ALPK3: variants seen among roughly 807,000 people sequenced by gnomAD.
ALPK3 encodes the protein alpha-protein kinase 3.
A neutral mutation model predicts 140.0 loss-of-function variants in ALPK3; 102 were observed. The observed-to-expected ratio is 0.73, with a 90% CI of 0.62 to 0.86. ALPK3 has a LOEUF of 0.86. ALPK3 is among the 40% of genes least tolerant of loss of function. The pLI is 0.00. For missense variants in ALPK3, 2,254 were observed against 2,208.2 expected (o/e 1.02, Z -0.42); for synonymous variants, 938 against 898.5 (o/e 1.04, Z -0.79).
chr15:84,832,125 A>G (rs1415855800), intron 3 of ALPK3, among the ~76,000 whole-genome samples: 1 of 152,122 alleles, frequency 6.6e-6, no homozygotes, highest in Non-Finnish European at 1.5e-5. Flanking sequence ...AAGGGTTCCA[A>G]AGATTTATTT....
At position 84,873,264 on chromosome 15, in the gene ALPK3, A is replaced by G. The variant is rs1027313102; in HGVS notation, c.*4808A>G. On this transcript the variant is annotated 3_prime_UTR_variant, in exon 14 of 14. Transcript: ENST00000258888. ...TGGGCTGGGTGCATGCCAGGGACCC[A>G]ATCAAGCATTTTTATCTTCTGAAAT... The G allele has an allele frequency of 6.6e-6, 1 of 152,224 alleles. No individual in the cohort carries two copies. Among genetic ancestry groups the G allele is most frequent in the Non-Finnish European group, 1.5e-5 (1 of 68,042 alleles). 9.4% of individuals were successfully genotyped at this position (152,224 alleles called of 1,614,324 possible).
intron 5 of ALPK3, among the ~76,000 whole-genome samples, chr15:84,842,124 C>A (rs901515914): frequency 6.6e-6 from 1 of 152,186 alleles, no homozygotes; most frequent in Non-Finnish European, 1.5e-5. Flanking sequence ...GCCTCCGGCT[C>A]CCGGGTTCAA....
chr15:84,858,610 C>T, intron 6 of ALPK3, 55 bp downstream of exon 6: 2 of 1,510,022 alleles, frequency 1.3e-6, no homozygotes, highest in Non-Finnish European at 1.8e-6. Context: ...ACAGAAAGCA[C>T]ACTGCTGCTG....
intron 6 of ALPK3, 112 bp from the exon 7 acceptor site, chr15:84,859,130 TG>T: frequency 7.0e-7 from 1 of 1,434,284 alleles, no homozygotes; most frequent in Non-Finnish European, 9.5e-7. Flanking sequence ...TAGGTCTGTG[TG>T]GAGACTTGAA....
chr15:84,839,855 G>C lies in ALPK3; in HGVS notation c.576G>C (p.Lys192Asn), dbSNP rs756921794. Residue 192 changes from lysine to asparagine, a missense_variant, in exon 5 of 14, where the codon AAG becomes AAC. By Grantham distance (94) the Lys-to-Asn change is moderately conservative (BLOSUM62 0). This residue lies in a region of ALPK3 where 2,088 missense variants were observed against 2,022.9 expected (regional missense o/e 1.03). Coordinates refer to ENST00000258888, the MANE Select transcript of ALPK3 (RefSeq NM_020778.5). ...AGTTGAAGCGCAAGGCTGCGGCAAAGCTGCGCGAGATCGAGCAGAGCTGGA... is the reference window on the plus strand; with the variant it reads ...AGTTGAAGCGCAAGGCTGCGGCAAACCTGCGCGAGATCGAGCAGAGCTGGA... ...FAKLKRKAAA[K>N]LREIEQSWKH... is the part of the protein sequence containing the mutation. The C allele has an allele frequency of 6.2e-7, 1 of 1,614,144 alleles. No individual in the cohort carries two copies. The highest frequency in any genetic ancestry group is 8.5e-7 in the Non-Finnish European group (1 of 1,180,044).
At chr15:84,832,462 C>T (rs191986118) in intron 3 of ALPK3, among the ~76,000 whole-genome samples, 5 of 152,306 alleles carry the variant, frequency 3.3e-5, no homozygotes, top group African/African-American at 1.2e-4. Context: ...ATGGCATGTT[C>T]ATTCTGCCTT....
At chr15:84,867,980 C>A in intron 13 of ALPK3, 131 bp from the exon 14 acceptor site, 1 of 909,932 alleles carries the variant, frequency 1.1e-6, no homozygotes, top group Non-Finnish European at 1.7e-6. Flanking sequence ...AGGGAGAGTC[C>A]CCATCACCCT....
rs1963625455 is a variant in ALPK3 at position 84,838,999 on chromosome 15, G to A, written c.324G>A (p.Val108=). 7 of 1,614,000 alleles carry A rather than the reference G, an allele frequency of 4.3e-6. No individual in the cohort carries two copies. The highest frequency in any genetic ancestry group is 5.9e-6 in the Non-Finnish European group (7 of 1,180,010). The change falls in exon 4 of 14, where the codon GTG becomes GTA. Residue 108 remains valine (V), a synonymous_variant. Transcript: ENST00000258888. ...TCTCAGGATACCCAGAGCCAGAGGT[G>A]ACCTGGTACAAGGATGATACGGAGC... ...CIVTGYPEPE[V]TWYKDDTELD... is the part of the protein sequence containing the mutation.
chr15:84,824,713 A>T (rs956323035), intron 2 of ALPK3, among the ~76,000 whole-genome samples: 2 of 152,210 alleles, frequency 1.3e-5, no homozygotes, highest in Admixed American at 6.5e-5. Flanking sequence ...TCCACTGAAC[A>T]TCATGAAAAC....
At chr15:84,818,927 C>T (rs1404833004) in intron 1 of ALPK3, among the ~76,000 whole-genome samples, 1 of 152,192 alleles carries the variant, frequency 6.6e-6, no homozygotes, top group African/African-American at 2.4e-5. Flanking sequence ...GTGGGAGCCT[C>T]ACATTTGTCA....
Position 84,863,609 on chromosome 15 carries a change from C to G in ALPK3, c.4468C>G (p.Arg1490Gly). 1 of 1,614,040 alleles carries G rather than the reference C, an allele frequency of 6.2e-7. No individual in the cohort carries two copies. The highest frequency in any genetic ancestry group is 8.5e-7 in the Non-Finnish European group (1 of 1,179,970). Residue 1490 changes from arginine to glycine, a missense_variant, in exon 11 of 14, where the codon CGG (arginine) becomes GGG (glycine). Physicochemically the swap from Arg to Gly is moderately radical, Grantham distance 125 (BLOSUM62 -2). Transcript: ENST00000258888. ...EYCKIFAAEA[R>G]AAPGFGEVPE... ...CTGCAAAATCTTCGCAGCAGAAGCCCGGGCCGCGCCTGGCTTTGGGGAGGT... is the reference window on the plus strand; with the variant it reads ...CTGCAAAATCTTCGCAGCAGAAGCCGGGGCCGCGCCTGGCTTTGGGGAGGT...
Position 84,858,425 on chromosome 15 carries a change from A to C in ALPK3, c.3687A>C (p.Ala1229=), listed in dbSNP as rs954822834. The C allele has an allele frequency of 4.5e-6, 7 of 1,561,982 alleles. No homozygotes were observed. In the African/African-American group the frequency reaches 6.7e-5, roughly 15 times the overall value. ...RKASMLEVPR[A]EEELAAGDLG... The stretch of plus-strand genomic sequence containing the variant: ...CGAGCATGCTGGAGGTGCCTCGGGC[A>C]GAGGAGGAGCTGGCGGCAGGAGACC... The change falls in exon 6 of 14, where the codon GCA becomes GCC. Residue 1229 remains alanine (A), a synonymous_variant. Transcript: ENST00000258888.
intron 1 of ALPK3, among the ~76,000 whole-genome samples, chr15:84,821,050 C>A (rs187393690): frequency 1.3e-5 from 2 of 152,052 alleles, no homozygotes; most frequent in Admixed American, 1.3e-4. Flanking sequence ...GAAGGTGGCA[C>A]GAAGAACTCT....
At chr15:84,838,701 C>G (rs572964511) in intron 3 of ALPK3, among the ~76,000 whole-genome samples, 1 of 151,236 alleles carries the variant, frequency 6.6e-6, no homozygotes, top group African/African-American at 2.4e-5. Context: ...CTCACTGCAA[C>G]CTCGGACTCC....
intron 5 of ALPK3, among the ~76,000 whole-genome samples, chr15:84,841,790 G>A (rs1430742801): frequency 6.6e-6 from 1 of 152,088 alleles, no homozygotes; most frequent in Non-Finnish European, 1.5e-5. Flanking sequence ...GTCCCTTTTG[G>A]TTATTTCTTT....
intron 2 of ALPK3, among the ~76,000 whole-genome samples, chr15:84,826,076 G>A (rs1189485833): frequency 1.3e-5 from 2 of 152,146 alleles, no homozygotes; most frequent in Non-Finnish European, 2.9e-5. Flanking sequence ...GAATGCCCAG[G>A]TATCTACATT....
In ALPK3 at chr15:84,856,587, C is replaced by T; in HGVS notation, c.1849C>T (p.Gln617Ter). The T allele has an allele frequency of 6.2e-7, 1 of 1,614,072 alleles. No homozygotes were observed. The highest frequency in any genetic ancestry group is 8.5e-7 in the Non-Finnish European group (1 of 1,180,012). Residue 617 changes from glutamine (Q) to a stop codon, truncating the protein, a stop_gained, in exon 6 of 14, where the codon CAA becomes TAA. Transcript: ENST00000258888. LOFTEE classifies it high-confidence loss of function. ...GAATGTGCAGGCAGATGGGAAGATA[C>T]AAGTGGATGGAAGGACCAGGGGAGA... The part of the protein sequence containing the change: ...KKNVQADGKI[Q>*]VDGRTRGDGT...
At chr15:84,859,124 T>C in intron 6 of ALPK3, 119 bp from the exon 7 acceptor site, 1 of 1,377,730 alleles carries the variant, frequency 7.3e-7, no homozygotes, top group Admixed American at 2.1e-5. Flanking sequence ...GAGTGGTAGG[T>C]CTGTGTGGAG....
At chr15:84,826,557 A>G (rs1045148327) in intron 2 of ALPK3, among the ~76,000 whole-genome samples, 1 of 152,044 alleles carries the variant, frequency 6.6e-6, no homozygotes, top group African/African-American at 2.4e-5. Context: ...CTGGCCCTTG[A>G]AAGGGTTTGG....
Sources: gnomAD v4.1 joint callset for allele counts (sites outside exome capture counted in the v4.1 genomes callset) on GRCh38, gnomAD v4.1.1 for gene constraint, gnomAD v4.1.1 regional missense constraint, MANE v1.5 for transcripts, NCBI Gene and HGNC (gene_info 2026-07-23, HGNC 2026-07-21) for gene names.